Variants in IL1R2 observed in about 807,000 individuals in gnomAD.
IL1R2 encodes the protein interleukin-1 receptor type 2.
Under a neutral mutation model 39.5 loss-of-function variants are expected in IL1R2, and 46 were observed. That is an observed-to-expected ratio of 1.16 (90% CI 0.92 to 1.49). The LOEUF (loss-of-function observed/expected upper bound fraction) is 1.49, where lower values mean the gene tolerates loss of function less well. Among genes scored for constraint, IL1R2 ranks in the 40% most tolerant of loss-of-function variants. IL1R2 has a pLI of 0.00. For missense variants in IL1R2, 537 were observed against 502.0 expected (o/e 1.07, Z -0.67); for synonymous variants, 207 against 189.6 (o/e 1.09, Z -0.75).
In IL1R2 at chr2:102,009,623, G is replaced by C. The variant is rs755464376; in HGVS notation, c.129G>C (p.Gly43=). 6.2e-7 allele frequency: 1 copy of C among 1,614,182 alleles called. No individual in the cohort carries two copies. The highest frequency in any genetic ancestry group is 1.1e-5 in the South Asian group (1 of 91,082). The change falls in exon 3 of 9, where the codon GGG becomes GGC. Residue 43 remains glycine, a synonymous_variant. Coordinates refer to ENST00000332549, the MANE Select transcript of IL1R2 (RefSeq NM_004633.4). ...RHYKREFRLE[G]EPVALRCPQV... ...ACAAGCGGGAGTTCAGGCTGGAAGG[G>C]GAGCCTGTAGCCCTGAGGTGCCCCC... is the stretch of plus-strand genomic sequence containing the variant.
At chr2:102,019,196 C>T (rs1677200405) in intron 4 of IL1R2, among the ~76,000 whole-genome samples, 1 of 152,106 alleles carries the variant, frequency 6.6e-6, no homozygotes, top group Non-Finnish European at 1.5e-5. Context: ...GTTACTGACT[C>T]ACAAAATTGA....
At chr2:102,027,437 G>A (rs1006664571) in intron 8 of IL1R2, among the ~76,000 whole-genome samples, 2 of 152,150 alleles carry the variant, frequency 1.3e-5, no homozygotes, top group Non-Finnish European at 2.9e-5. Context: ...GTGGCTGGCC[G>A]TGACTGATCC....
At chr2:102,021,308 T>C (rs1190732970) in intron 5 of IL1R2, among the ~76,000 whole-genome samples, 5 of 148,792 alleles carry the variant, frequency 3.4e-5, no homozygotes, top group Non-Finnish European at 5.9e-5. Flanking sequence ...TTCTTTTCTT[T>C]TTTTTTTTTT....
At chr2:102,000,713 G>A (rs1209685396) in intron 1 of IL1R2, among the ~76,000 whole-genome samples, 2 of 152,160 alleles carry the variant, frequency 1.3e-5, no homozygotes, top group African/African-American at 2.4e-5. Context: ...AGCAGAGAAC[G>A]AGTGCCAAAA....
intron 1 of IL1R2, chr2:102,002,115 CCTT>C (rs1675892803): frequency 6.6e-6 from 1 of 152,204 alleles, no homozygotes; most frequent in Admixed American, 6.5e-5. Context: ...AATTGTTACT[CCTT>C]CTACATGCTG....
intron 1 of IL1R2, among the ~76,000 whole-genome samples, chr2:102,003,997 C>CTATGTT (rs1487657534): frequency 1.5e-5 from 2 of 131,600 alleles, no homozygotes; most frequent in African/African-American, 7.6e-5. Context: ...GGGTCTATGT[C>CTATGTT]TATGTCTATG....
At chr2:102,024,910 C>T in intron 7 of IL1R2, 1 of 458,490 alleles carries the variant, frequency 2.2e-6, no homozygotes, top group Non-Finnish European at 3.8e-6. Flanking sequence ...CATTTTGTAG[C>T]TGTTTCATTA....
intron 1 of IL1R2, among the ~76,000 whole-genome samples, chr2:102,004,091 A>T (rs2150426190): frequency 6.6e-6 from 1 of 152,340 alleles, no homozygotes; most frequent in East Asian, 1.9e-4. Flanking sequence ...GGAGAGTGAG[A>T]ATAAAGCGAA....
At chr2:102,010,769 CA>C (rs1676581599) in intron 3 of IL1R2, among the ~76,000 whole-genome samples, 2 of 152,172 alleles carry the variant, frequency 1.3e-5, no homozygotes, top group Admixed American at 1.3e-4. Context: ...ATACACATAA[CA>C]AAAAATTTAT....
chr2:102,020,977 C>A (rs1677344456), intron 5 of IL1R2, among the ~76,000 whole-genome samples: 1 of 152,316 alleles, frequency 6.6e-6, no homozygotes, highest in Admixed American at 6.5e-5. Flanking sequence ...CTGTGTCTCA[C>A]AAGCCCCCGG....
intron 3 of IL1R2, among the ~76,000 whole-genome samples, chr2:102,010,443 G>C (rs1676554157): frequency 6.6e-6 from 1 of 152,122 alleles, no homozygotes; most frequent in African/African-American, 2.4e-5. Flanking sequence ...GGGCATGGTG[G>C]CGGGCGCCTG....
rs1676970040 is a variant in IL1R2 at position 102,015,944 on chromosome 2, A to G, written c.406A>G (p.Ile136Val). The change falls in exon 4 of 9, where the codon ATC (isoleucine) becomes GTC (valine). Residue 136 changes from isoleucine to valine, a missense_variant. Physicochemically the swap from Ile to Val is conservative, Grantham distance 29. Transcript: ENST00000332549. ...GAATACAGATGCTTTCCTGCCGTTCATCTCATACCCGCAAATTTTAACCTT... is the reference window on the plus strand; with the variant it reads ...GAATACAGATGCTTTCCTGCCGTTCGTCTCATACCCGCAAATTTTAACCTT... ...FENTDAFLPF[I>V]SYPQILTLST... The G allele has an allele frequency of 6.2e-7, 1 of 1,613,990 alleles. No individual in the cohort carries two copies. The highest frequency in any genetic ancestry group is 8.5e-7 in the Non-Finnish European group (1 of 1,179,846).
chr2:102,020,619 T>A (rs957891697), intron 5 of IL1R2, among the ~76,000 whole-genome samples: 3 of 152,228 alleles, frequency 2.0e-5, no homozygotes, highest in African/African-American at 7.2e-5. Context: ...ATCCAGAGAT[T>A]CAGTTGCACC....
chr2:102,027,182 C>T (rs1316048567), intron 8 of IL1R2, among the ~76,000 whole-genome samples: 1 of 152,178 alleles, frequency 6.6e-6, no homozygotes, highest in Non-Finnish European at 1.5e-5. Flanking sequence ...GAGGCTGCAG[C>T]CTGTGACACA....
intron 3 of IL1R2, among the ~76,000 whole-genome samples, chr2:102,014,902 A>G (rs1433521866): frequency 1.3e-5 from 2 of 150,864 alleles, no homozygotes; most frequent in Non-Finnish European, 3.0e-5. Flanking sequence ...TCCAGCTCTA[A>G]GGTCTTGATA....
chr2:102,022,416 T>C (rs1305362652), intron 6 of IL1R2, among the ~76,000 whole-genome samples, 167 bp downstream of exon 6: 4 of 152,192 alleles, frequency 2.6e-5, no homozygotes, highest in Non-Finnish European at 5.9e-5. Context: ...ATAACAAGTG[T>C]GAGGAAATAT....
At position 101,995,452 on chromosome 2, in the gene IL1R2, G is replaced by A. The variant is rs1675542836; in HGVS notation, c.-62+3441G>A. Among the ~76,000 whole-genome samples, 5 of 152,294 alleles carry A rather than the reference G, an allele frequency of 3.3e-5. No homozygotes were observed. In the South Asian group the frequency reaches 1.0e-3, roughly 32 times the overall value. The stretch of plus-strand genomic sequence containing the variant: ...CAGTCATAATAGCCCTGTGGGCTTG[G>A]AACAGGAACCTGTGCTCCAGGAAGG... On this transcript the variant is annotated intron_variant, in intron 1 of 8. Transcript: ENST00000332549.
intron 1 of IL1R2, among the ~76,000 whole-genome samples, chr2:102,000,084 T>G (rs892984067): frequency 6.6e-6 from 1 of 152,222 alleles, no homozygotes; most frequent in Non-Finnish European, 1.5e-5. Context: ...TTCGGCAGAA[T>G]GCAGATGGTG....
rs140568924 is a variant in IL1R2, at chr2:102,009,488, C to T, written c.68-74C>T. 6.2e-5 allele frequency: 94 copies of T among 1,505,992 alleles called. 1 individual carries two copies. The Middle Eastern group carries it at 1.1e-3, about 17-fold the overall frequency. 93.3% of individuals were successfully genotyped at this position (1,505,992 alleles called of 1,614,324 possible). A position where few individuals can be genotyped will look rare whatever the true frequency, so the allele number is the denominator to read the frequency against. On this transcript the variant is annotated intron_variant, in intron 2 of 8. Coordinates refer to ENST00000332549, the MANE Select transcript of IL1R2 (RefSeq NM_004633.4). ...TTCCCTGCCAGAATCAGGATCAGTC[C>T]CAGGTGCAGGGAGGTTTTATGATCT...
Sources: allele counts gnomAD v4.1 joint callset (sites outside exome capture counted in the v4.1 genomes callset), GRCh38; gene constraint gnomAD v4.1.1; transcripts MANE v1.5; gene names NCBI Gene and HGNC (gene_info 2026-07-23, HGNC 2026-07-21).